Variants in AKR1E2 observed in about 807,000 individuals in gnomAD.
AKR1E2 encodes aldo-keto reductase family 1 member E2.
In AKR1E2, 43 loss-of-function variants were observed where a neutral mutation model predicts 41.9. The observed-to-expected ratio is 1.03, with a 90% CI of 0.80 to 1.32. The LOEUF is 1.32. AKR1E2 is among the 40% of genes most tolerant of loss of function. The pLI, the probability that AKR1E2 is intolerant of heterozygous loss-of-function variation, is 0.00. For synonymous variants in AKR1E2, 121 were observed against 138.9 expected (o/e 0.87, Z 0.91); for missense variants, 423 against 396.5 (o/e 1.07, Z -0.57).
upstream of AKR1E2, among the ~76,000 whole-genome samples, chr10:4,825,869 C>T (rs979519857): frequency 6.6e-6 from 1 of 152,220 alleles, no homozygotes; most frequent in African/African-American, 2.4e-5. Flanking sequence ...TCTGCCCTAC[C>T]CTCAGTCGCA....
At chr10:4,866,201 T>C in the AKR1E2 span, among the ~76,000 whole-genome samples, 1 of 152,220 alleles carries the variant, frequency 6.6e-6, no homozygotes, top group Non-Finnish European at 1.5e-5. Context: ...GAGACAGATT[T>C]TATGTTTGAA....
At chr10:4,859,522 A>G in the AKR1E2 span, among the ~76,000 whole-genome samples, 1 of 152,268 alleles carries the variant, frequency 6.6e-6, no homozygotes, top group African/African-American at 2.4e-5. Flanking sequence ...TTAAAAAGCA[A>G]CAGTTTTTCC....
rs758355359 is a variant in AKR1E2, at chr10:4,847,539, C to A, written c.*9C>A. On this transcript the variant is annotated 3_prime_UTR_variant, in exon 10 of 10. Coordinates refer to ENST00000298375, the MANE Select transcript of AKR1E2 (RefSeq NM_001040177.3). ...TCCACATAGAATACTGAGGACGCTT[C>A]CCCTTCCTTGTTTCTGCTCAGCCCA... is the stretch of plus-strand genomic sequence containing the variant. The A allele has an allele frequency of 6.2e-7, 1 of 1,613,642 alleles. No homozygotes were observed. Among genetic ancestry groups the A allele is most frequent in the Non-Finnish European group, 8.5e-7 (1 of 1,179,758 alleles).
At chr10:4,844,726 AG>A (rs1365335116) in intron 8 of AKR1E2, among the ~76,000 whole-genome samples, 1 of 152,244 alleles carries the variant, frequency 6.6e-6, no homozygotes, top group African/African-American at 2.4e-5. Flanking sequence ...AGCTAGACAC[AG>A]GGTGCTGATT....
Position 4,830,761 on chromosome 10 carries a change from T to G in AKR1E2, c.126T>G (p.Asn42Lys). 1 of 1,614,026 alleles carries G rather than the reference T, an allele frequency of 6.2e-7. No homozygotes were observed. The highest frequency in any genetic ancestry group is 8.5e-7 in the Non-Finnish European group (1 of 1,179,994). Residue 42 changes from asparagine (N) to lysine (K), a missense_variant, in exon 2 of 10, where the codon AAT becomes AAG. Transcript: ENST00000298375. ...RHFDCAYFYH[N>K]EREVGAGIRC... ...TCGACTGTGCTTACTTTTACCACAA[T>G]GAGAGGGAGGTTGGAGCAGGGATCC...
chr10:4,844,695 T>C (rs1834173893), intron 8 of AKR1E2, among the ~76,000 whole-genome samples: 1 of 152,180 alleles, frequency 6.6e-6, no homozygotes, highest in Non-Finnish European at 1.5e-5. Context: ...AGAGTGTCGA[T>C]TGGTGCATTC....
intron 5 of AKR1E2, among the ~76,000 whole-genome samples, chr10:4,838,941 G>T (rs1442451623): frequency 6.6e-6 from 1 of 152,186 alleles, no homozygotes; most frequent in East Asian, 1.9e-4. Flanking sequence ...GATGCGGAAG[G>T]CTCCAGAAGG....
chr10:4,844,160 C>T (rs968283996), intron 8 of AKR1E2, among the ~76,000 whole-genome samples: 4 of 152,066 alleles, frequency 2.6e-5, no homozygotes, highest in Non-Finnish European at 5.9e-5. Context: ...TTCTGATGTT[C>T]GGATGTGTTC....
chr10:4,854,096 T>TTG, the AKR1E2 span, among the ~76,000 whole-genome samples: 126 of 133,192 alleles, frequency 9.5e-4, 1 homozygote, highest in East Asian at 9.3e-3. Context: ...TTTTTTTTTT[T>TTG]TTTTTTTTTT....
chr10:4,845,262 C>T (rs1834240209), intron 8 of AKR1E2, among the ~76,000 whole-genome samples: 1 of 152,194 alleles, frequency 6.6e-6, no homozygotes, highest in Non-Finnish European at 1.5e-5. Flanking sequence ...GGCCTGCAAG[C>T]ACCACGCGCA....
chr10:4,827,071 G>A (rs545083355), intron 1 of AKR1E2, among the ~76,000 whole-genome samples: 44 of 104,398 alleles, frequency 4.2e-4, no homozygotes, highest in Non-Finnish European at 7.0e-4. Flanking sequence ...GCCAGACCTT[G>A]CTGGAAAAAA....
chr10:4,855,400 A>G, the AKR1E2 span, among the ~76,000 whole-genome samples: 1 of 151,136 alleles, frequency 6.6e-6, no homozygotes, highest in African/African-American at 2.4e-5. Context: ...GCTGTTCAAG[A>G]TGGCCAAGCA....
chr10:4,827,716 A>G (rs1310615885), intron 1 of AKR1E2, among the ~76,000 whole-genome samples: 1 of 152,164 alleles, frequency 6.6e-6, no homozygotes, highest in Admixed American at 6.5e-5. Flanking sequence ...ATATTATTTA[A>G]ATTATTTCTC....
At chr10:4,857,519 C>T in the AKR1E2 span, among the ~76,000 whole-genome samples, 1 of 152,150 alleles carries the variant, frequency 6.6e-6, no homozygotes, top group Non-Finnish European at 1.5e-5. Flanking sequence ...TGAGCAGATG[C>T]CAGCATCATG....
At chr10:4,866,645 G>GTTTTTTTTTTTTT in the AKR1E2 span, among the ~76,000 whole-genome samples, 2 of 119,198 alleles carry the variant, frequency 1.7e-5, no homozygotes, top group Non-Finnish European at 1.7e-5. Flanking sequence ...TTTTGTTTTT[G>GTTTTTTTTTTTTT]TTTTTTTTTT....
rs117679141 is a variant in AKR1E2 at position 4,846,233 on chromosome 10, A to G, written c.838-915A>G. On this transcript the variant is annotated intron_variant, in intron 8 of 9. Coordinates refer to ENST00000298375, the MANE Select transcript of AKR1E2 (RefSeq NM_001040177.3). The stretch of plus-strand genomic sequence containing the variant: ...AGCCTGGGGTGCTCCAGGTCCTTGC[A>G]TTGGAATCACTCAGTGCACCCCTCC... The G allele has an allele frequency of 5.5e-3, 1,140 of 206,784 alleles. 8 individuals carry two copies. The highest frequency in any genetic ancestry group is 0.018 in the South Asian group (219 of 12,214). The allele number at this position is 206,784 out of a possible 1,614,324, so 12.8% of individuals were successfully genotyped here.
intron 1 of AKR1E2, among the ~76,000 whole-genome samples, chr10:4,827,201 G>T (rs889093658): frequency 2.0e-5 from 3 of 151,968 alleles, no homozygotes; most frequent in Non-Finnish European, 2.9e-5. Flanking sequence ...ACATATAATC[G>T]CTCTGTGCAT....
At position 4,837,527 on chromosome 10, in the gene AKR1E2, G is replaced by T. The variant is rs764487503; in HGVS notation, c.528G>T (p.Gln176His). The change falls in exon 5 of 10, where the codon CAG becomes CAT. Residue 176 changes from glutamine to histidine, a missense_variant. Gln to His is a conservative substitution (Grantham distance 24). Coordinates refer to ENST00000298375, the MANE Select transcript of AKR1E2 (RefSeq NM_001040177.3). ...GGGTGTCAAACTTCAACCATGAACA[G>T]CTTGAGAGGCTTTTGAATAAGCCTG... is the stretch of plus-strand genomic sequence containing the variant. ...NIGVSNFNHE[Q>H]LERLLNKPGL... is the part of the protein sequence containing the mutation. The T allele has an allele frequency of 7.4e-6, 12 of 1,613,984 alleles. No individual in the cohort carries two copies. Among genetic ancestry groups the T allele is most frequent in the Non-Finnish European group, 9.3e-6 (11 of 1,179,994 alleles).
upstream of AKR1E2, among the ~76,000 whole-genome samples, chr10:4,825,976 C>T (rs1406451388): frequency 6.6e-6 from 1 of 152,234 alleles, no homozygotes; most frequent in Non-Finnish European, 1.5e-5. Flanking sequence ...TTCCCTGCTC[C>T]TGCGTGGCTC....
Sources: allele counts gnomAD v4.1 joint callset (sites outside exome capture counted in the v4.1 genomes callset), GRCh38; gene constraint gnomAD v4.1.1; transcripts MANE v1.5; gene names NCBI Gene and HGNC (gene_info 2026-07-23, HGNC 2026-07-21).